GRIK2: variants seen among roughly 807,000 people sequenced by gnomAD.
GRIK2 encodes the protein glutamate ionotropic receptor kainate type subunit 2.
Under a neutral mutation model 100.3 loss-of-function variants are expected in GRIK2, and 32 were observed. That is an observed-to-expected ratio of 0.32 (90% CI 0.24 to 0.43). The LOEUF is 0.43. Among genes scored for constraint, GRIK2 ranks in the 20% least tolerant of loss-of-function variants. The probability of loss-of-function intolerance (pLI) is 1.00; values close to 1 mark genes in which losing one functional copy is unlikely to be tolerated. For missense variants in GRIK2, 843 were observed against 1,114.9 expected, an observed-to-expected ratio of 0.76 and a Z score of 3.47; for synonymous variants, 417 against 389.4, an observed-to-expected ratio of 1.07 and a Z score of -0.83.
chr6:101,615,597 A>G (rs1779854450), intron 2 of GRIK2, among the ~76,000 whole-genome samples: 1 of 151,824 alleles, frequency 6.6e-6, no homozygotes, highest in Non-Finnish European at 1.5e-5. Flanking sequence ...TCAGGAGAGC[A>G]ATTATCTCTT....
intron 9 of GRIK2, among the ~76,000 whole-genome samples, chr6:101,807,744 AG>A (rs1246725047): frequency 6.6e-6 from 1 of 151,930 alleles, no homozygotes; most frequent in East Asian, 1.9e-4. Flanking sequence ...TGGAAGTAAT[AG>A]GATGAATCCT....
intron 4 of GRIK2, among the ~76,000 whole-genome samples, chr6:101,663,472 G>T (rs560157154): frequency 6.6e-6 from 1 of 152,208 alleles, no homozygotes; most frequent in African/African-American, 2.4e-5. Context: ...GGGTGAGTCA[G>T]TCACACCGCC....
intron 2 of GRIK2, among the ~76,000 whole-genome samples, chr6:101,412,099 A>G (rs759788790): frequency 2.6e-4 from 40 of 151,980 alleles, no homozygotes; most frequent in Non-Finnish European, 4.3e-4. Flanking sequence ...AATCTCTTGG[A>G]CAATACCATG....
intron 2 of GRIK2, among the ~76,000 whole-genome samples, chr6:101,424,483 T>C (rs1361612366): frequency 1.3e-5 from 2 of 151,840 alleles, no homozygotes; most frequent in Non-Finnish European, 2.9e-5. Context: ...TCCATGTCCC[T>C]ACAAAGGACA....
chr6:101,428,383 G>A (rs558854454), intron 2 of GRIK2, among the ~76,000 whole-genome samples: 1 of 152,256 alleles, frequency 6.6e-6, no homozygotes, highest in South Asian at 2.1e-4. Flanking sequence ...AATTAAATGA[G>A]AGGAACAAAA....
chr6:101,847,190 C>T (rs577616957), intron 10 of GRIK2, among the ~76,000 whole-genome samples: 1 of 152,028 alleles, frequency 6.6e-6, no homozygotes, highest in Admixed American at 6.6e-5. Context: ...TTAATATGTT[C>T]TGCTTTTGTT....
chr6:102,051,263 TC>T (rs1771174763), intron 15 of GRIK2, among the ~76,000 whole-genome samples: 1 of 119,034 alleles, frequency 8.4e-6, no homozygotes, highest in Non-Finnish European at 1.8e-5. Context: ...CTTCCTTCCT[TC>T]CTTCCTTCCT....
intron 14 of GRIK2, among the ~76,000 whole-genome samples, chr6:102,022,234 A>G (rs1032692761): frequency 6.6e-6 from 1 of 151,496 alleles, no homozygotes; most frequent in African/African-American, 2.4e-5. Flanking sequence ...ATTTCAAAAC[A>G]GAGTCCATAA....
intron 2 of GRIK2, among the ~76,000 whole-genome samples, chr6:101,439,917 G>T (rs1328547962): frequency 1.3e-5 from 2 of 152,046 alleles, no homozygotes; most frequent in African/African-American, 2.4e-5. Flanking sequence ...CTCCTGAAAA[G>T]ATTCCTGAGA....
At chr6:101,630,985 C>A (rs558506301) in intron 4 of GRIK2, among the ~76,000 whole-genome samples, 65 of 151,910 alleles carry the variant, frequency 4.3e-4, no homozygotes, top group African/African-American at 1.4e-3. Flanking sequence ...AGTCTTTGTT[C>A]CCACCCCCAA....
intron 10 of GRIK2, among the ~76,000 whole-genome samples, chr6:101,859,080 GT>G (rs999292985): frequency 4.0e-5 from 6 of 151,568 alleles, no homozygotes; most frequent in Non-Finnish European, 7.4e-5. Flanking sequence ...CAATAGTTAA[GT>G]TTTTTTTGTA....
At chr6:101,990,503 T>C (rs1009567006) in intron 14 of GRIK2, among the ~76,000 whole-genome samples, 2 of 151,670 alleles carry the variant, frequency 1.3e-5, no homozygotes, top group African/African-American at 4.8e-5. Flanking sequence ...TCATCACTTG[T>C]AACTGCACAC....
At chr6:101,847,407 C>T (rs1783873927) in intron 10 of GRIK2, among the ~76,000 whole-genome samples, 1 of 151,952 alleles carries the variant, frequency 6.6e-6, no homozygotes, top group African/African-American at 2.4e-5. Context: ...TTCCCCTCAC[C>T]CAGGGTTTTT....
At chr6:101,573,973 A>T (rs1777676075) in intron 2 of GRIK2, among the ~76,000 whole-genome samples, 1 of 151,972 alleles carries the variant, frequency 6.6e-6, no homozygotes, top group East Asian at 1.9e-4. Flanking sequence ...TCTCCCTAAG[A>T]AATCATGTAA....
intron 2 of GRIK2, among the ~76,000 whole-genome samples, chr6:101,478,600 G>A (rs1188444672): frequency 6.8e-6 from 1 of 147,586 alleles, no homozygotes; most frequent in East Asian, 2.0e-4. Context: ...TGCAACCTCT[G>A]CCTCCCGGGT....
At chr6:101,538,951 G>A (rs1050925428) in intron 2 of GRIK2, among the ~76,000 whole-genome samples, 1 of 151,474 alleles carries the variant, frequency 6.6e-6, no homozygotes, top group Non-Finnish European at 1.5e-5. Flanking sequence ...GTTGATAAAT[G>A]TGTTATTATT....
intron 2 of GRIK2, among the ~76,000 whole-genome samples, chr6:101,538,255 C>T (rs571918468): frequency 6.6e-6 from 1 of 151,754 alleles, no homozygotes; most frequent in East Asian, 1.9e-4. Context: ...AACTGAATTT[C>T]CAGGCACACA....
chr6:101,994,916 A>C lies in GRIK2; in HGVS notation c.2086-40425A>C, dbSNP rs1288376185. The stretch of plus-strand genomic sequence containing the variant: ...TATACCCAGGATAAGTAATTTTGAT[A>C]TCAAGGTTGATCAGATCATATTAAC... On this transcript the variant is annotated intron_variant, in intron 14 of 16. Transcript: ENST00000369134. 8.5e-5 allele frequency among the ~76,000 whole-genome samples: 13 copies of C among 152,048 alleles called. No homozygotes were observed. In the East Asian group the frequency reaches 2.1e-3, roughly 25 times the overall value.
At chr6:102,019,308 G>C (rs1456036090) in intron 14 of GRIK2, among the ~76,000 whole-genome samples, 1 of 152,062 alleles carries the variant, frequency 6.6e-6, no homozygotes, top group African/African-American at 2.4e-5. Context: ...GACATCTGCA[G>C]CCTTTTTAGA....
Sources: allele counts gnomAD v4.1 joint callset (sites outside exome capture counted in the v4.1 genomes callset), GRCh38; gene constraint gnomAD v4.1.1; transcripts MANE v1.5; gene names NCBI Gene and HGNC (gene_info 2026-07-23, HGNC 2026-07-21).